FMOD: variants seen among roughly 807,000 people sequenced by gnomAD.
FMOD encodes the protein KSPG fibromodulin.
A neutral mutation model predicts 27.0 loss-of-function variants in FMOD; 15 were observed. That is an observed-to-expected ratio of 0.55 (90% CI 0.37 to 0.85). FMOD has a LOEUF of 0.85. FMOD is among the 40% of genes least tolerant of loss of function. FMOD has a pLI of 0.00. For synonymous variants in FMOD, 210 were observed against 214.0 expected (o/e 0.98, Z 0.16); for missense variants, 460 against 483.2 (o/e 0.95, Z 0.45).
In FMOD at chr1:203,343,934, T is replaced by C. The variant is rs370700379; in HGVS notation, c.980-1440A>G. Among the ~76,000 whole-genome samples the C allele has an allele frequency of 3.0e-4, 45 of 152,344 alleles. No individual in the cohort carries two copies. The East Asian group carries it at 6.0e-3, about 20-fold the overall frequency. ...TGAGGTTGCAGCAAATTAACTTGTA[T>C]TGCAGGCATAACACAGAAAATCTAG... is the stretch of plus-strand genomic sequence containing the variant. On this transcript the variant is annotated intron_variant, in intron 2 of 2. Transcript: ENST00000354955.
chr1:203,348,358 A>G, intron 1 of FMOD, 81 bp from the exon 2 acceptor site: 2 of 1,459,640 alleles, frequency 1.4e-6, no homozygotes, highest in Non-Finnish European at 9.3e-7. Context: ...GGCAAGCCTT[A>G]GGCTTTGAGC....
intron 2 of FMOD, among the ~76,000 whole-genome samples, chr1:203,346,568 G>A (rs1393000131): frequency 1.3e-5 from 2 of 151,736 alleles, no homozygotes; most frequent in African/African-American, 4.8e-5. Context: ...AGGCTTGGTG[G>A]TAGTCAGGCT....
At chr1:203,348,307 C>A (rs1322380224) in intron 1 of FMOD, 30 bp from the exon 2 acceptor site, 1 of 1,590,934 alleles carries the variant, frequency 6.3e-7, no homozygotes, top group Admixed American at 1.7e-5. Context: ...ACAGAGCAAG[C>A]CAGCATGAGT....
intron 2 of FMOD, among the ~76,000 whole-genome samples, chr1:203,346,763 G>A (rs1658895843): frequency 6.6e-6 from 1 of 152,182 alleles, no homozygotes; most frequent in Admixed American, 6.5e-5. Flanking sequence ...CAGTGAGTAA[G>A]TGCAGGGCTT....
intron 1 of FMOD, among the ~76,000 whole-genome samples, chr1:203,349,846 G>C (rs555558950): frequency 6.6e-6 from 1 of 152,290 alleles, no homozygotes; most frequent in South Asian, 2.1e-4. Flanking sequence ...CAGTTCCTAG[G>C]TTGCAGAGGA....
chr1:203,350,012 A>G (rs989997904), intron 1 of FMOD, among the ~76,000 whole-genome samples: 2 of 152,228 alleles, frequency 1.3e-5, no homozygotes, highest in Non-Finnish European at 2.9e-5. Context: ...CACTGCCAAC[A>G]GAGCATTTTT....
intron 1 of FMOD, among the ~76,000 whole-genome samples, chr1:203,349,501 C>G (rs1222555877): frequency 6.6e-6 from 1 of 152,138 alleles, no homozygotes; most frequent in Non-Finnish European, 1.5e-5. Context: ...CTAGGGGTGG[C>G]CTGGGTACCC....
Position 203,342,294 on chromosome 1 carries a change from AGCCAAATGCCACGGGGGCTCTCC to A in FMOD, c.*26_*48del, listed in dbSNP as rs1249470839. 6.3e-7 allele frequency: 1 copy of A among 1,578,506 alleles called. No individual in the cohort carries two copies. Among genetic ancestry groups the A allele is most frequent in the Admixed American group, 1.8e-5 (1 of 56,814 alleles). ...CAGCAAAAGCCAAACCAAACCATCAAGCCAAATGCCACGGGGGCTCTCCGCCCAGTACCCGGTGCCAGGGCTGC... is the reference window on the plus strand; with the variant it reads ...CAGCAAAAGCCAAACCAAACCATCAAGCCCAGTACCCGGTGCCAGGGCTGC... On this transcript the variant is annotated 3_prime_UTR_variant, in exon 3 of 3. Transcript: ENST00000354955.
Position 203,348,216 on chromosome 1 carries a change from G to T in FMOD, c.55C>A (p.Gln19Lys). 1 of 1,614,196 alleles carries T rather than the reference G, an allele frequency of 6.2e-7. No individual in the cohort carries two copies. ...LAGLFSLSQAQYEDDPHWWFH... is the reference protein window; with the variant it reads ...LAGLFSLSQAKYEDDPHWWFH... ...CACCAATGAGGGTCATCTTCATACT[G>T]GGCCTGGGAGAGGGAGAAGAGCCCT... The change falls in exon 2 of 3, where the codon CAG becomes AAG. Residue 19 changes from glutamine (Q) to lysine (K), a missense_variant. Transcript: ENST00000354955.
At chr1:203,343,940 G>A (rs138154984) in intron 2 of FMOD, among the ~76,000 whole-genome samples, 3 of 152,176 alleles carry the variant, frequency 2.0e-5, no homozygotes, top group Admixed American at 2.0e-4. Flanking sequence ...TGTATTGCAG[G>A]CATAACACAG....
rs1376191851 is a variant in FMOD, at chr1:203,351,072, T to C, written c.-47A>G. 6.6e-6 allele frequency: 1 copy of C among 152,310 alleles called. No individual in the cohort carries two copies. The highest frequency in any genetic ancestry group is 1.5e-5 in the Non-Finnish European group (1 of 68,096). The allele number at this position is 152,310 out of a possible 1,614,324, so 9.4% of individuals were successfully genotyped here. A position where few individuals can be genotyped will look rare whatever the true frequency, so the allele number is the denominator to read the frequency against. Reference sequence around the variant, plus strand: ...TTCAGAGAGTGACCACGTCCCTCTGTCTGGCCTCCTTGGGTTGGAGAACGT... The same window carrying C: ...TTCAGAGAGTGACCACGTCCCTCTGCCTGGCCTCCTTGGGTTGGAGAACGT... On this transcript the variant is annotated 5_prime_UTR_variant, in exon 1 of 3. Coordinates refer to ENST00000354955, the MANE Select transcript of FMOD (RefSeq NM_002023.5).
In FMOD at chr1:203,342,338, G is replaced by A. The variant is rs1454939778; in HGVS notation, c.*5C>T. On this transcript the variant is annotated 3_prime_UTR_variant, in exon 3 of 3. Transcript: ENST00000354955. ...TCTCCGCCCAGTACCCGGTGCCAGG[G>A]CTGCTCAGATCTCGATGAGGCTGGC... 1 of 1,610,074 alleles carries A rather than the reference G, an allele frequency of 6.2e-7. No individual in the cohort carries two copies. The highest frequency in any genetic ancestry group is 1.3e-5 in the African/African-American group (1 of 74,990).
In FMOD at chr1:203,342,014, T is replaced by C. The variant is rs1218297619; in HGVS notation, c.*329A>G. 1 of 293,776 alleles carries C rather than the reference T, an allele frequency of 3.4e-6. No homozygotes were observed. The highest frequency in any genetic ancestry group is 6.8e-5 in the East Asian group (1 of 14,720). 18.2% of individuals were successfully genotyped at this position (293,776 alleles called of 1,614,324 possible). A position where few individuals can be genotyped will look rare whatever the true frequency, so the allele number is the denominator to read the frequency against. On this transcript the variant is annotated 3_prime_UTR_variant, in exon 3 of 3. Transcript: ENST00000354955. ...TTAGAAAAGTATGGTTATATACTAT[T>C]GCCCATGCCACTTTTGAAGTTCCAT...
chr1:203,342,205 T>C lies in FMOD; in HGVS notation c.*138A>G. On this transcript the variant is annotated 3_prime_UTR_variant, in exon 3 of 3. Transcript: ENST00000354955. ...CCTGATCGCCCCCCCTAACCCCACC[T>C]ACAGGAAAGAAGACTACAGAGGGTG... The C allele has an allele frequency of 9.1e-7, 1 of 1,092,912 alleles. No individual in the cohort carries two copies. The highest frequency in any genetic ancestry group is 1.3e-6 in the Non-Finnish European group (1 of 780,344). 67.7% of individuals were successfully genotyped at this position (1,092,912 alleles called of 1,614,324 possible). A position where few individuals can be genotyped will look rare whatever the true frequency, so the allele number is the denominator to read the frequency against.
chr1:203,345,613 T>A (rs1658872925), intron 2 of FMOD, among the ~76,000 whole-genome samples: 1 of 152,154 alleles, frequency 6.6e-6, no homozygotes, highest in Non-Finnish European at 1.5e-5. Flanking sequence ...CTTCAAGATG[T>A]CTTGGCTGGG....
At chr1:203,345,464 G>C (rs1341982284) in intron 2 of FMOD, among the ~76,000 whole-genome samples, 1 of 152,206 alleles carries the variant, frequency 6.6e-6, no homozygotes, top group Non-Finnish European at 1.5e-5. Flanking sequence ...GGTCAAACTT[G>C]GATGAAGCAC....
At position 203,342,083 on chromosome 1, in the gene FMOD, G is replaced by A. The variant is rs1427214492; in HGVS notation, c.*260C>T. ...AGAACTTAAGAGCCGTGAGATTTAT[G>A]GGGTTGGAACATCCAGGGATCCTTC... On this transcript the variant is annotated 3_prime_UTR_variant, in exon 3 of 3. Coordinates refer to ENST00000354955, the MANE Select transcript of FMOD (RefSeq NM_002023.5). The A allele has an allele frequency of 4.5e-6, 2 of 443,730 alleles. No individual in the cohort carries two copies. The highest frequency in any genetic ancestry group is 8.1e-6 in the Non-Finnish European group (2 of 247,618). 27.5% of individuals were successfully genotyped at this position (443,730 alleles called of 1,614,324 possible).
Position 203,345,304 on chromosome 1 carries a change from A to C in FMOD, c.979+1988T>G, listed in dbSNP as rs115273750. On this transcript the variant is annotated intron_variant, in intron 2 of 2. Coordinates refer to ENST00000354955, the MANE Select transcript of FMOD (RefSeq NM_002023.5). Reference sequence around the variant, plus strand: ...GTCTGGAAGAGGTGGTCCACCTCCCATTTGAGTGGCAGATGTGGTTCTGCA... The same window carrying C: ...GTCTGGAAGAGGTGGTCCACCTCCCCTTTGAGTGGCAGATGTGGTTCTGCA... 9.8e-3 allele frequency among the ~76,000 whole-genome samples: 1,494 copies of C among 152,306 alleles called. 27 individuals carry two copies. The highest frequency in any genetic ancestry group is 0.034 in the African/African-American group (1,432 of 41,558).
chr1:203,347,076 T>A lies in FMOD; in HGVS notation c.979+216A>T, dbSNP rs113540063. Among the ~76,000 whole-genome samples the A allele has an allele frequency of 2.6e-5, 4 of 152,344 alleles. No homozygotes were observed. In the South Asian group the frequency reaches 6.2e-4, roughly 24 times the overall value. ...TTACCTCTCCTGGAAAGTCTTCTTC[T>A]GTACCAACCCACTCCCCACTGAATT... On this transcript the variant is annotated intron_variant, in intron 2 of 2. Transcript: ENST00000354955.
Sources: allele counts gnomAD v4.1 joint callset (sites outside exome capture counted in the v4.1 genomes callset), GRCh38; gene constraint gnomAD v4.1.1; transcripts MANE v1.5; gene names NCBI Gene and HGNC (gene_info 2026-07-23, HGNC 2026-07-21).